NRXN1: variants seen among roughly 807,000 people sequenced by gnomAD.
The protein encoded by NRXN1 is neurexin-1.
A neutral mutation model predicts 150.9 loss-of-function variants in NRXN1; 39 were observed. That is an observed-to-expected ratio of 0.26 (90% CI 0.20 to 0.34). NRXN1 has a LOEUF of 0.34. Ranked by LOEUF, NRXN1 falls within the 10% of genes least tolerant of loss-of-function variation. The pLI is 1.00. For synonymous variants in NRXN1, 924 were observed against 757.0 expected (o/e 1.22, Z -3.62); for missense variants, 1,815 against 1,949.9 (o/e 0.93, Z 1.30).
chr2:50,793,926 A>G (rs1044868850), intron 5 of NRXN1, among the ~76,000 whole-genome samples: 1 of 152,022 alleles, frequency 6.6e-6, no homozygotes, highest in Non-Finnish European at 1.5e-5. Flanking sequence ...CTGGGGGGCA[A>G]TTCTGAACCA....
Position 50,347,880 on chromosome 2 carries a change from T to C in NRXN1, c.3365-110910A>G. 2 of 978,850 alleles carry C rather than the reference T, an allele frequency of 2.0e-6. No homozygotes were observed. Among genetic ancestry groups the C allele is most frequent in the Non-Finnish European group, 1.2e-6 (1 of 824,042 alleles). The allele number at this position is 978,850 out of a possible 1,614,324, so 60.6% of individuals were successfully genotyped here. On this transcript the variant is annotated intron_variant, in intron 17 of 22. Coordinates refer to ENST00000401669, the MANE Select transcript of NRXN1 (RefSeq NM_001330078.2). This position sits in a 1 kb window ranked among gnomAD's most constrained non-coding sequence, Gnocchi z 4.9. ...GAGCCTATGTAACGAGGGAGGCTGG[T>C]CTAGCTTCCCACGAAAATCGCCCTG...
intron 5 of NRXN1, among the ~76,000 whole-genome samples, chr2:50,877,293 A>C (rs577895403): frequency 6.6e-6 from 1 of 152,020 alleles, no homozygotes; most frequent in South Asian, 2.1e-4. Context: ...AAAGTTAAAC[A>C]AAGATAGAGA....
At chr2:49,982,261 A>G (rs898855580) in intron 21 of NRXN1, among the ~76,000 whole-genome samples, 2 of 152,178 alleles carry the variant, frequency 1.3e-5, no homozygotes, top group African/African-American at 2.4e-5. Flanking sequence ...GTTCGATTCA[A>G]TTTGGGCCTT....
At chr2:50,078,315 G>A (rs981824204) in intron 19 of NRXN1, among the ~76,000 whole-genome samples, 1 of 151,364 alleles carries the variant, frequency 6.6e-6, no homozygotes, top group African/African-American at 2.4e-5. Flanking sequence ...TTTCTGAAAT[G>A]TTATATAGAA....
chr2:50,907,462 G>C (rs1306061648), intron 5 of NRXN1, among the ~76,000 whole-genome samples: 2 of 151,942 alleles, frequency 1.3e-5, no homozygotes, highest in Admixed American at 6.6e-5. Context: ...CTTTACGAAG[G>C]GTGAGAAAAA....
chr2:50,623,423 AG>A lies in NRXN1; in HGVS notation c.1024del (p.Leu342TrpfsTer13). Reference protein sequence around the residue: ...NLALKNGAVSLVINLGSGAFE... With the variant: ...NLALKNGAVSXVINLGSGAFE... ...GGCCCCTGATCCCAAATTAATGACC[AG>A]AGAGACAGCTCCATTTTTCAGGGCA... On this transcript the variant is annotated frameshift_variant, in exon 6 of 23. Coordinates refer to ENST00000401669, the MANE Select transcript of NRXN1 (RefSeq NM_001330078.2). LOFTEE classifies it high-confidence loss of function. 6.2e-7 allele frequency: 1 copy of A among 1,613,462 alleles called. No homozygotes were observed. Among genetic ancestry groups the A allele is most frequent in the Non-Finnish European group, 8.5e-7 (1 of 1,179,528 alleles).
chr2:50,421,898 A>G (rs2084028579), intron 17 of NRXN1, among the ~76,000 whole-genome samples: 1 of 152,168 alleles, frequency 6.6e-6, no homozygotes, highest in Non-Finnish European at 1.5e-5. Context: ...GTCTGTGACC[A>G]TTGATTAAAA....
chr2:50,237,594 T>C lies in NRXN1; in HGVS notation c.3365-624A>G, dbSNP rs985501264. On this transcript the variant is annotated intron_variant, in intron 17 of 22. Coordinates refer to ENST00000401669, the MANE Select transcript of NRXN1 (RefSeq NM_001330078.2). ...GCAACATCTAGTAGCTGTCAAACTATTCAGAATCATAAAAAGACCCACATC... is the reference window on the plus strand; with the variant it reads ...GCAACATCTAGTAGCTGTCAAACTACTCAGAATCATAAAAAGACCCACATC... Among the ~76,000 whole-genome samples the C allele has an allele frequency of 8.6e-5, 13 of 151,460 alleles. No individual in the cohort carries two copies. The East Asian group carries it at 1.9e-3, about 23-fold the overall frequency.
chr2:49,922,807 T>C (rs900547292), intron 22 of NRXN1, among the ~76,000 whole-genome samples: 1 of 152,102 alleles, frequency 6.6e-6, no homozygotes, highest in Non-Finnish European at 1.5e-5. Flanking sequence ...TTTAGTTACA[T>C]TTTTATAAAT....
At chr2:50,388,042 CT>C (rs1202887751) in intron 17 of NRXN1, among the ~76,000 whole-genome samples, 1 of 152,108 alleles carries the variant, frequency 6.6e-6, no homozygotes, top group African/African-American at 2.4e-5. Flanking sequence ...ACAGCTTCAT[CT>C]TTTACTTGAA....
At chr2:50,358,197 A>AC (rs2078955407) in intron 17 of NRXN1, among the ~76,000 whole-genome samples, 1 of 151,846 alleles carries the variant, frequency 6.6e-6, no homozygotes, top group Admixed American at 6.6e-5. Flanking sequence ...TTTTCTTTCT[A>AC]CCCCAGTAGT....
At chr2:50,430,167 C>T (rs1189783783) in intron 17 of NRXN1, among the ~76,000 whole-genome samples, 1 of 152,146 alleles carries the variant, frequency 6.6e-6, no homozygotes, top group East Asian at 1.9e-4. Context: ...CTATTTTTGT[C>T]ATTTTGCCTA....
intron 5 of NRXN1, among the ~76,000 whole-genome samples, chr2:50,743,431 G>C (rs1369334266): frequency 6.6e-6 from 1 of 152,114 alleles, no homozygotes; most frequent in Non-Finnish European, 1.5e-5. Context: ...AGACAATTTT[G>C]TGCCTCAAGA....
rs70948720 is a variant in NRXN1, at chr2:50,582,668, GAA to G, written c.1321-29645_1321-29644del. On this transcript the variant is annotated intron_variant, in intron 8 of 22. Transcript: ENST00000401669. ...ATTAACCACACTTTGGGATCTGCCAGAAAAAAAAAAAAAATCAAAGTACCTTA... is the reference window on the plus strand; with the variant it reads ...ATTAACCACACTTTGGGATCTGCCAGAAAAAAAAAAAATCAAAGTACCTTA... Among the ~76,000 whole-genome samples, 64 of 139,880 alleles carry G rather than the reference GAA, an allele frequency of 4.6e-4. 1 individual carries two copies. Among genetic ancestry groups the G allele is most frequent in the Admixed American group, 1.2e-3 (16 of 13,842 alleles). 91.8% of individuals were successfully genotyped at this position (139,880 alleles called of 152,430 possible).
At chr2:50,979,967 A>T (rs1012085572) in intron 2 of NRXN1, among the ~76,000 whole-genome samples, 9 of 152,148 alleles carry the variant, frequency 5.9e-5, no homozygotes, top group Non-Finnish European at 1.2e-4. Context: ...CTCTATAAAT[A>T]ATATAATTAA....
intron 18 of NRXN1, among the ~76,000 whole-genome samples, chr2:50,103,865 CCAAA>C (rs70946889): frequency 8.6e-5 from 13 of 150,388 alleles, no homozygotes; most frequent in Admixed American, 6.0e-4. Context: ...CAGCCATTGA[CCAAA>C]CAAACAAACA....
intron 21 of NRXN1, among the ~76,000 whole-genome samples, chr2:50,051,462 T>C (rs961514816): frequency 1.3e-5 from 2 of 152,122 alleles, no homozygotes; most frequent in Admixed American, 6.6e-5. Flanking sequence ...TGAATTATTT[T>C]AGATAAAGGA....
At position 50,278,134 on chromosome 2, in the gene NRXN1, T is replaced by A. The variant is rs551637610; in HGVS notation, c.3365-41164A>T. Among the ~76,000 whole-genome samples, 422 of 139,842 alleles carry A rather than the reference T, an allele frequency of 3.0e-3. 5 individuals carry two copies. Among genetic ancestry groups the A allele is most frequent in the South Asian group, 0.017 (73 of 4,398 alleles). The allele number at this position is 139,842 out of a possible 152,430, so 91.7% of individuals were successfully genotyped here. A position where few individuals can be genotyped will look rare whatever the true frequency, so the allele number is the denominator to read the frequency against. On this transcript the variant is annotated intron_variant, in intron 17 of 22. Transcript: ENST00000401669. ...CCCAGGCTGGAGGGCAGTGGCAGGA[T>A]CTTGGCTCACCACCTGCCAGGTTTA...
intron 5 of NRXN1, among the ~76,000 whole-genome samples, chr2:50,753,910 T>G (rs960908194): frequency 7.1e-6 from 1 of 140,166 alleles, no homozygotes; most frequent in African/African-American, 2.6e-5. Context: ...ATTTAGCAGC[T>G]CATTATTTTA....
Sources: allele counts gnomAD v4.1 joint callset (sites outside exome capture counted in the v4.1 genomes callset), GRCh38; gene constraint gnomAD v4.1.1; non-coding constraint Gnocchi (gnomAD v3.1); transcripts MANE v1.5; gene names NCBI Gene and HGNC (gene_info 2026-07-23, HGNC 2026-07-21).